CNOT1: variants seen among roughly 807,000 people sequenced by gnomAD.
CNOT1 encodes CCR4-associated factor 1.
A neutral mutation model predicts 273.8 loss-of-function variants in CNOT1; 15 were observed. The ratio of observed to expected loss-of-function variants is 0.05; its 90% CI spans 0.04 to 0.08. CNOT1 has a LOEUF of 0.08. Among genes scored for constraint, CNOT1 ranks in the 10% least tolerant of loss-of-function variants. The pLI, the probability that CNOT1 is intolerant of heterozygous loss-of-function variation, is 1.00. For missense variants in CNOT1, 1,644 were observed against 2,912.2 expected, an observed-to-expected ratio of 0.56 and a Z score of 10.02; for synonymous variants, 1,022 against 1,005.5, an observed-to-expected ratio of 1.02 and a Z score of -0.31.
intron 1 of CNOT1, among the ~76,000 whole-genome samples, chr16:58,606,922 T>TGG (rs11318549): frequency 1.3e-5 from 2 of 151,726 alleles, no homozygotes; most frequent in South Asian, 4.2e-4. Context: ...ACTGCAGAGC[T>TGG]GGGGGGGGGA....
chr16:58,568,371 GA>G (rs745327607), intron 16 of CNOT1, among the ~76,000 whole-genome samples: 2,937 of 134,534 alleles, frequency 0.022, 83 homozygotes, highest in African/African-American at 0.075. Context: ...TCCATCTCAA[GA>G]AAAAAAAAAA....
chr16:58,627,120 GCTT>G (rs2043616508), intron 1 of CNOT1, among the ~76,000 whole-genome samples: 1 of 151,838 alleles, frequency 6.6e-6, no homozygotes, highest in Admixed American at 6.6e-5. Context: ...TAAAAAGAAA[GCTT>G]CTCGGCTGGG....
chr16:58,533,771 G>A (rs980743891), intron 40 of CNOT1, among the ~76,000 whole-genome samples: 2 of 152,230 alleles, frequency 1.3e-5, no homozygotes, highest in African/African-American at 4.8e-5. Context: ...TTTGCAGTAA[G>A]CCGAGATTGC....
chr16:58,587,701 CATTAT>C (rs1168159064), intron 4 of CNOT1, 74 bp downstream of exon 4: 2 of 1,454,842 alleles, frequency 1.4e-6, no homozygotes, highest in African/African-American at 1.4e-5. Context: ...TAAGACATCA[CATTAT>C]GAGATCAAGG....
chr16:58,526,890 T>G (rs1193871030), intron 44 of CNOT1, among the ~76,000 whole-genome samples: 4 of 151,562 alleles, frequency 2.6e-5, no homozygotes, highest in African/African-American at 9.7e-5. Context: ...AGCTGGGCAC[T>G]TCTAGTGGTG....
intron 17 of CNOT1, among the ~76,000 whole-genome samples, chr16:58,559,210 T>C (rs571805218): frequency 6.6e-6 from 1 of 152,298 alleles, no homozygotes; most frequent in East Asian, 1.9e-4. Context: ...CTCCAAAAGT[T>C]TGATTTTGGA....
In CNOT1 at chr16:58,553,870, A is replaced by G; in HGVS notation, c.2892-10T>C. On this transcript the variant is annotated splice_polypyrimidine_tract_variant and intron_variant, in intron 21 of 48. Transcript: ENST00000317147. ...GGGATAGTCCTTCAATCTGCCAACA[A>G]AATTATTCTACCATCATTTCATGTC... is the stretch of plus-strand genomic sequence containing the variant. 6.2e-7 allele frequency: 1 copy of G among 1,604,648 alleles called. No homozygotes were observed. The highest frequency in any genetic ancestry group is 2.3e-5 in the East Asian group (1 of 44,044).
Position 58,547,647 on chromosome 16 carries a change from G to A in CNOT1, c.3558C>T (p.Phe1186=), listed in dbSNP as rs1015792649. ...AGTTCTTCAGCAAAGAACGATCTGA[G>A]AAATTGGCTGCAGCTTTATCAGAGG... ...LLTSDKAAAN[F]SDRSLLKNLG... is the part of the protein sequence containing the mutation. The change falls in exon 26 of 49, where the codon TTC becomes TTT. Residue 1186 remains phenylalanine, a synonymous_variant. Coordinates refer to ENST00000317147, the MANE Select transcript of CNOT1 (RefSeq NM_016284.5). This position sits in a 1 kb window ranked among gnomAD's most constrained non-coding sequence, Gnocchi z 4.0. 4 of 1,613,676 alleles carry A rather than the reference G, an allele frequency of 2.5e-6. No homozygotes were observed. The highest frequency in any genetic ancestry group is 3.4e-6 in the Non-Finnish European group (4 of 1,179,796).
Position 58,534,399 on chromosome 16 carries a change from C to T in CNOT1, c.5647-4G>A. On this transcript the variant is annotated splice_polypyrimidine_tract_variant and splice_region_variant and intron_variant, in intron 39 of 48. Coordinates refer to ENST00000317147, the MANE Select transcript of CNOT1 (RefSeq NM_016284.5). The stretch of plus-strand genomic sequence containing the variant: ...TCAGTATTCCTTGCTGGTGCATCTA[C>T]AACAGGAACAAAAAATAAAGACACA... 2 of 1,611,400 alleles carry T rather than the reference C, an allele frequency of 1.2e-6. No individual in the cohort carries two copies. The highest frequency in any genetic ancestry group is 1.7e-6 in the Non-Finnish European group (2 of 1,178,306).
Position 58,587,761 on chromosome 16 carries a change from A to G in CNOT1, c.309+19T>C. On this transcript the variant is annotated intron_variant, in intron 4 of 48. Transcript: ENST00000317147. ...GCCTAAGGAGAGATCACACTCTTAA[A>G]GATAATAGTAATACCAACCTTCTGA... 1.2e-6 allele frequency: 2 copies of G among 1,610,664 alleles called. No homozygotes were observed. The highest frequency in any genetic ancestry group is 8.5e-7 in the Non-Finnish European group (1 of 1,178,174).
intron 40 of CNOT1, chr16:58,533,088 T>G (rs2039819128): frequency 6.6e-6 from 1 of 152,392 alleles, no homozygotes; most frequent in Non-Finnish European, 1.5e-5. Context: ...ATTAACATAC[T>G]GAAATACATT....
At chr16:58,620,907 ATAT>A (rs1421643047) in intron 1 of CNOT1, among the ~76,000 whole-genome samples, 1 of 152,148 alleles carries the variant, frequency 6.6e-6, no homozygotes, top group Non-Finnish European at 1.5e-5. Context: ...CAATATCCAC[ATAT>A]TATTTGTGAA....
At chr16:58,629,379 G>A (rs2043731258) in intron 1 of CNOT1, among the ~76,000 whole-genome samples, 1 of 152,150 alleles carries the variant, frequency 6.6e-6, no homozygotes, top group South Asian at 2.1e-4. Context: ...TGCAACCCGC[G>A]CGAAGCCAGG....
At chr16:58,593,838 A>G (rs2042150238) in intron 2 of CNOT1, among the ~76,000 whole-genome samples, 1 of 152,246 alleles carries the variant, frequency 6.6e-6, no homozygotes, top group Admixed American at 6.5e-5. Flanking sequence ...TGATACAGAT[A>G]CACAAAATAT....
chr16:58,569,978 T>C (rs557134010), intron 16 of CNOT1, among the ~76,000 whole-genome samples: 1 of 151,988 alleles, frequency 6.6e-6, no homozygotes, highest in African/African-American at 2.4e-5. Flanking sequence ...AAGGAGAGTA[T>C]CTTACCAGCA....
chr16:58,611,256 C>T (rs372897904), intron 1 of CNOT1, among the ~76,000 whole-genome samples: 4 of 149,650 alleles, frequency 2.7e-5, no homozygotes, highest in East Asian at 4.1e-4. Flanking sequence ...CGGTGAAACC[C>T]TGTCTCTGCT....
chr16:58,534,468 C>T, intron 39 of CNOT1, 73 bp from the exon 40 acceptor site: 1 of 1,503,410 alleles, frequency 6.7e-7, no homozygotes, highest in Admixed American at 1.8e-5. Context: ...CTTTAATTTT[C>T]AGGCTTAAGA....
chr16:58,567,840 T>C (rs1006673257), intron 16 of CNOT1, among the ~76,000 whole-genome samples: 1 of 152,202 alleles, frequency 6.6e-6, no homozygotes, highest in Non-Finnish European at 1.5e-5. Flanking sequence ...AAAACAGGGT[T>C]AAAACATCTT....
At position 58,525,291 on chromosome 16, in the gene CNOT1, A is replaced by G. The variant is rs772375109; in HGVS notation, c.6672T>C (p.Thr2224=). The G allele has an allele frequency of 6.2e-7, 1 of 1,613,998 alleles. No individual in the cohort carries two copies. The highest frequency in any genetic ancestry group is 8.5e-7 in the Non-Finnish European group (1 of 1,180,038). Reference sequence around the variant, plus strand: ...TGTTGTGGATGTGCGCAATGGCCTGAGTCCCGACATAGAGCACCAGTGCAT... The same window carrying G: ...TGTTGTGGATGTGCGCAATGGCCTGGGTCCCGACATAGAGCACCAGTGCAT... ...LINALVLYVG[T]QAIAHIHNKG... Residue 2224 remains threonine, a synonymous_variant, in exon 46 of 49, where the codon ACT becomes ACC. Transcript: ENST00000317147.
Sources: gnomAD v4.1 joint callset for allele counts (sites outside exome capture counted in the v4.1 genomes callset) on GRCh38, gnomAD v4.1.1 for gene constraint, Gnocchi (gnomAD v3.1) non-coding constraint, MANE v1.5 for transcripts, NCBI Gene and HGNC (gene_info 2026-07-23, HGNC 2026-07-21) for gene names.